The following FOCAD variants were observed in gnomAD, a reference collection of about 807,000 sequenced individuals.
The protein encoded by FOCAD is focadhesin.
FOCAD carries 198 observed loss-of-function variants against 225.6 expected under a neutral mutation model. The ratio of observed to expected loss-of-function variants is 0.88; its 90% CI spans 0.78 to 0.99. FOCAD has a LOEUF of 0.99. Ranked by LOEUF, FOCAD falls within the 50% of genes least tolerant of loss-of-function variation. FOCAD has a pLI of 0.00. For synonymous variants in FOCAD, 897 were observed against 755.0 expected, an observed-to-expected ratio of 1.19 and a Z score of -3.08; for missense variants, 2,713 against 2,123.6, an observed-to-expected ratio of 1.28 and a Z score of -5.46.
intron 2 of FOCAD, among the ~76,000 whole-genome samples, chr9:20,666,452 C>G (rs1388211463): frequency 6.6e-6 from 1 of 151,986 alleles, no homozygotes; most frequent in Non-Finnish European, 1.5e-5. Context: ...TGCTTGTAGT[C>G]CCACCTACTT....
intron 32 of FOCAD, 22 bp from the exon 33 acceptor site, chr9:20,949,582 G>GGCC: frequency 1.1e-6 from 1 of 936,472 alleles, no homozygotes; most frequent in Non-Finnish European, 1.5e-6. Context: ...GGTGGGATGG[G>GGCC]TATTTCTTCT....
chr9:20,816,849 A>G (rs1823777683), intron 11 of FOCAD, among the ~76,000 whole-genome samples: 1 of 152,168 alleles, frequency 6.6e-6, no homozygotes, highest in African/African-American at 2.4e-5. Context: ...ATAGTACAAC[A>G]ACTATTTACA....
chr9:20,895,607 A>G (rs1420010218), intron 21 of FOCAD, among the ~76,000 whole-genome samples: 1 of 151,942 alleles, frequency 6.6e-6, no homozygotes, highest in African/African-American at 2.4e-5. Context: ...AGGTTTATAC[A>G]TAAGTATTTC....
chr9:20,797,484 T>G (rs1052998243), intron 11 of FOCAD, among the ~76,000 whole-genome samples: 16 of 152,158 alleles, frequency 1.1e-4, no homozygotes, highest in Admixed American at 9.8e-4. Flanking sequence ...GTATCCTCTT[T>G]TATTTCCTTG....
At chr9:20,681,823 T>A (rs997119129), upstream of FOCAD, among the ~76,000 whole-genome samples, 3 of 152,208 alleles carry the variant, frequency 2.0e-5, no homozygotes, top group African/African-American at 7.2e-5. Context: ...CCCATGGACT[T>A]CCAGCTTAAC....
At chr9:20,713,643 A>G (rs770261547) in intron 1 of FOCAD, among the ~76,000 whole-genome samples, 1 of 152,226 alleles carries the variant, frequency 6.6e-6, no homozygotes, top group Non-Finnish European at 1.5e-5. Context: ...TATTTTGTTC[A>G]CTGATATAAC....
At chr9:20,848,416 G>C (rs370612933) in intron 15 of FOCAD, among the ~76,000 whole-genome samples, 16 of 152,104 alleles carry the variant, frequency 1.1e-4, no homozygotes, top group African/African-American at 3.9e-4. Context: ...TTTATGGCCA[G>C]TTTTTACACA....
chr9:20,758,463 C>G (rs568068902), intron 6 of FOCAD, among the ~76,000 whole-genome samples: 1 of 151,716 alleles, frequency 6.6e-6, no homozygotes, highest in Non-Finnish European at 1.5e-5. Flanking sequence ...GTGCTGCACC[C>G]ATTAACTCGT....
At chr9:20,837,139 G>A (rs552783184) in intron 15 of FOCAD, among the ~76,000 whole-genome samples, 8 of 152,014 alleles carry the variant, frequency 5.3e-5, no homozygotes, top group Non-Finnish European at 7.4e-5. Context: ...CATTGCCCCC[G>A]TGCTTTATTT....
intron 6 of FOCAD, among the ~76,000 whole-genome samples, chr9:20,761,035 C>A (rs749535487): frequency 6.6e-6 from 1 of 151,628 alleles, no homozygotes; most frequent in African/African-American, 2.4e-5. Flanking sequence ...GGGGGCGTTA[C>A]AATTATTATT....
chr9:20,860,339 G>A lies in FOCAD; in HGVS notation c.1921-2239G>A, dbSNP rs111624979. ...CTGATAAAAACATACCCAAGACTGC[G>A]CAATTTACAAAAGAAAGAGGTTTAA... is the stretch of plus-strand genomic sequence containing the variant. On this transcript the variant is annotated intron_variant, in intron 15 of 43. Coordinates refer to ENST00000338382, the MANE Select transcript of FOCAD (RefSeq NM_001375567.1). 9.0e-3 allele frequency among the ~76,000 whole-genome samples: 1,369 copies of A among 152,140 alleles called. 13 individuals carry two copies. The highest frequency in any genetic ancestry group is 0.015 in the Non-Finnish European group (1,044 of 67,984).
intron 11 of FOCAD, among the ~76,000 whole-genome samples, chr9:20,816,773 C>G (rs539452628): frequency 6.6e-6 from 1 of 151,826 alleles, no homozygotes; most frequent in Admixed American, 6.6e-5. Context: ...CAGCTGCAGA[C>G]AGAGCATATT....
rs1363427275 is a variant in FOCAD at position 20,717,741 on chromosome 9, A to G, written c.58-53A>G. On this transcript the variant is annotated intron_variant, in intron 2 of 43. Transcript: ENST00000338382. ...CATACTCATATCAACTAGTATTGATATTTGGAAAGAACTTCTAAGGGACTG... is the reference window on the plus strand; with the variant it reads ...CATACTCATATCAACTAGTATTGATGTTTGGAAAGAACTTCTAAGGGACTG... 3.6e-6 allele frequency: 5 copies of G among 1,406,018 alleles called. No homozygotes were observed. In the Admixed American group the frequency reaches 9.1e-5, roughly 26 times the overall value. The allele number at this position is 1,406,018 out of a possible 1,614,324, so 87.1% of individuals were successfully genotyped here. A position where few individuals can be genotyped will look rare whatever the true frequency, so the allele number is the denominator to read the frequency against.
intron 35 of FOCAD, among the ~76,000 whole-genome samples, chr9:20,969,816 A>G (rs1839606230): frequency 6.6e-6 from 1 of 151,626 alleles, no homozygotes; most frequent in Non-Finnish European, 1.5e-5. Flanking sequence ...TCAAATTATT[A>G]TCTAGATTAC....
At chr9:20,906,120 T>C (rs1302971519) in intron 21 of FOCAD, among the ~76,000 whole-genome samples, 1 of 151,996 alleles carries the variant, frequency 6.6e-6, no homozygotes, top group African/African-American at 2.4e-5. Context: ...GTACCTTGTA[T>C]ATAGTAGGCC....
intron 29 of FOCAD, among the ~76,000 whole-genome samples, chr9:20,945,852 A>G (rs1837121682): frequency 6.6e-6 from 1 of 152,122 alleles, no homozygotes; most frequent in African/African-American, 2.4e-5. Flanking sequence ...AACCAGTGCT[A>G]GAAGTTGAAT....
chr9:20,951,084 A>G lies in FOCAD; in HGVS notation c.4037A>G (p.Gln1346Arg). The G allele has an allele frequency of 1.2e-6, 2 of 1,613,212 alleles. No individual in the cohort carries two copies. Among genetic ancestry groups the G allele is most frequent in the Non-Finnish European group, 1.7e-6 (2 of 1,179,264 alleles). The part of the protein sequence containing the change: ...HLHLSTLSSS[Q>R]SRASVPTDYS... ...CATCTATCTACTCTATCCTCAAGTC[A>G]AAGTAGAGCCTCTGGTAAGATTAAA... The change falls in exon 34 of 44, where the codon CAA (glutamine) becomes CGA (arginine). Residue 1346 changes from glutamine (Q) to arginine (R), a missense_variant. Gln to Arg is a conservative substitution (Grantham distance 43). Transcript: ENST00000338382.
At chr9:20,955,699 C>T (rs1323422808) in intron 35 of FOCAD, among the ~76,000 whole-genome samples, 1 of 152,062 alleles carries the variant, frequency 6.6e-6, no homozygotes, top group Non-Finnish European at 1.5e-5. Flanking sequence ...TTCCTCCTAA[C>T]ATGGATATTT....
intron 1 of FOCAD, among the ~76,000 whole-genome samples, chr9:20,704,022 T>C (rs1354738686): frequency 6.6e-6 from 1 of 152,188 alleles, no homozygotes; most frequent in Non-Finnish European, 1.5e-5. Flanking sequence ...ATCATGATGA[T>C]AGAGGTAGGT....
Sources: gnomAD v4.1 joint callset for allele counts (sites outside exome capture counted in the v4.1 genomes callset) on GRCh38, gnomAD v4.1.1 for gene constraint, MANE v1.5 for transcripts, NCBI Gene and HGNC (gene_info 2026-07-23, HGNC 2026-07-21) for gene names.